Variants in EVC2 observed in about 807,000 individuals in gnomAD.
EVC2 encodes limbin.
Under a neutral mutation model 149.3 loss-of-function variants are expected in EVC2, and 148 were observed. That is an observed-to-expected ratio of 0.99 (90% CI 0.87 to 1.14). The LOEUF (loss-of-function observed/expected upper bound fraction) is 1.14. EVC2 is among the 50% of genes most tolerant of loss of function. The probability of loss-of-function intolerance (pLI) is 0.00; values close to 1 mark genes in which losing one functional copy is unlikely to be tolerated. For synonymous variants in EVC2, 776 were observed against 649.9 expected, an observed-to-expected ratio of 1.19 and a Z score of -2.95; for missense variants, 1,854 against 1,627.3, an observed-to-expected ratio of 1.14 and a Z score of -2.40.
chr4:5,622,657 TC>T lies in EVC2; in HGVS notation c.2380del (p.Glu794ArgfsTer13). 1 of 1,613,698 alleles carries T rather than the reference TC, an allele frequency of 6.2e-7. No homozygotes were observed. On this transcript the variant is annotated frameshift_variant, in exon 14 of 22. Transcript: ENST00000344408. LOFTEE classifies it high-confidence loss of function. This position sits in a 1 kb window ranked among gnomAD's most constrained non-coding sequence, Gnocchi z 5.8. Reference sequence around the variant, plus strand: ...ACCCTCCTGGTCCCTGTCCCTCTCCTCCCCCTCCAGCTGCTCGGCCCGTGCA... The same window carrying T: ...ACCCTCCTGGTCCCTGTCCCTCTCCTCCCCTCCAGCTGCTCGGCCCGTGCA... ...MAARAEQLEGEERDRDQEGVQ... is the reference protein window; with the variant it reads ...MAARAEQLEGXERDRDQEGVQ...
intron 19 of EVC2, among the ~76,000 whole-genome samples, chr4:5,570,927 G>A (rs1722605045): frequency 6.6e-6 from 1 of 152,150 alleles, no homozygotes; most frequent in African/African-American, 2.4e-5. Flanking sequence ...TCTCACTTAT[G>A]AGGAGGAGCT....
intron 17 of EVC2, among the ~76,000 whole-genome samples, chr4:5,580,914 C>G (rs926249595): frequency 6.6e-6 from 1 of 152,076 alleles, no homozygotes; most frequent in African/African-American, 2.4e-5. Context: ...TGGTGTTGAT[C>G]TTATGATAGT....
chr4:5,644,330 G>C (rs887440051), intron 9 of EVC2, among the ~76,000 whole-genome samples: 1 of 151,992 alleles, frequency 6.6e-6, no homozygotes, highest in Non-Finnish European at 1.5e-5. Flanking sequence ...CTTTTAGACG[G>C]AGTTTCACTC....
intron 21 of EVC2, among the ~76,000 whole-genome samples, chr4:5,545,562 C>A (rs988910511): frequency 3.9e-5 from 6 of 152,198 alleles, no homozygotes; most frequent in Non-Finnish European, 8.8e-5. Context: ...CCTCTCCCTG[C>A]AAGAGAAGAG....
intron 16 of EVC2, among the ~76,000 whole-genome samples, chr4:5,601,316 A>G (rs1713959483): frequency 6.6e-6 from 1 of 152,216 alleles, no homozygotes; most frequent in Non-Finnish European, 1.5e-5. Context: ...ATTCTTAGAA[A>G]GATATAACAA....
rs1398827225 is a variant in EVC2, at chr4:5,670,589, T to C, written c.871-4940A>G. On this transcript the variant is annotated intron_variant, in intron 7 of 21. Coordinates refer to ENST00000344408, the MANE Select transcript of EVC2 (RefSeq NM_147127.5). This position sits in a 1 kb window ranked among gnomAD's most constrained non-coding sequence, Gnocchi z 5.2. ...GCCATCACCACCATCACTATCAACA[T>C]CATCAATATCACCATCACCATCATC... 6.6e-6 allele frequency among the ~76,000 whole-genome samples: 1 copy of C among 151,428 alleles called. No individual in the cohort carries two copies. The highest frequency in any genetic ancestry group is 1.5e-5 in the Non-Finnish European group (1 of 67,900).
intron 10 of EVC2, among the ~76,000 whole-genome samples, chr4:5,635,029 C>T (rs1258115253): frequency 6.4e-4 from 46 of 71,424 alleles, no homozygotes; most frequent in African/African-American, 9.0e-4. Context: ...AACAAATGTG[C>T]TTTTTTTTTT....
intron 6 of EVC2, among the ~76,000 whole-genome samples, chr4:5,684,045 C>T (rs1365595241): frequency 1.3e-5 from 2 of 152,170 alleles, no homozygotes; most frequent in African/African-American, 4.8e-5. Context: ...CTTTCTGATG[C>T]TTACCTTGTC....
chr4:5,617,524 C>A (rs1465219738), intron 15 of EVC2, among the ~76,000 whole-genome samples: 1 of 152,086 alleles, frequency 6.6e-6, no homozygotes, highest in African/African-American at 2.4e-5. Flanking sequence ...GGTGAATGGG[C>A]CGGGGAGCTT....
Position 5,685,420 on chromosome 4 carries a change from C to A in EVC2, c.766G>T (p.Gly256Trp), listed in dbSNP as rs145458036. The A allele has an allele frequency of 3.1e-6, 5 of 1,614,070 alleles. No individual in the cohort carries two copies. The highest frequency in any genetic ancestry group is 2.2e-5 in the East Asian group (1 of 44,890). Residue 256 changes from glycine to tryptophan, a missense_variant, in exon 6 of 22, where the codon GGG (glycine) becomes TGG (tryptophan). Physicochemically the swap from Gly to Trp is radical, Grantham distance 184. Coordinates refer to ENST00000344408, the MANE Select transcript of EVC2 (RefSeq NM_147127.5). ...ATLQAGDLGN[G>W]ESLKLPAQLT... ...TGGGCAGGAAGCTTGAGGCTCTCCCCGTTCCCGAGGTCTCCAGCCTGGAGC... is the reference window on the plus strand; with the variant it reads ...TGGGCAGGAAGCTTGAGGCTCTCCCAGTTCCCGAGGTCTCCAGCCTGGAGC...
chr4:5,589,430 C>G (rs1343103362), intron 16 of EVC2, among the ~76,000 whole-genome samples: 2 of 152,172 alleles, frequency 1.3e-5, no homozygotes, highest in African/African-American at 4.8e-5. Context: ...CAGGTCTCAG[C>G]AGAATACTCA....
intron 3 of EVC2, among the ~76,000 whole-genome samples, chr4:5,692,075 T>C (rs1721156186): frequency 6.6e-6 from 1 of 152,236 alleles, no homozygotes; most frequent in African/African-American, 2.4e-5. Flanking sequence ...TGACCACATC[T>C]TTCCCACTCT....
intron 18 of EVC2, among the ~76,000 whole-genome samples, 154 bp from the exon 19 acceptor site, chr4:5,574,926 C>G (rs1722830732): frequency 6.6e-6 from 1 of 152,190 alleles, no homozygotes; most frequent in South Asian, 2.1e-4. Context: ...GACTGCCTTC[C>G]TTTTCTTGCC....
At chr4:5,604,772 T>C (rs1475760443) in intron 16 of EVC2, among the ~76,000 whole-genome samples, 1 of 152,144 alleles carries the variant, frequency 6.6e-6, no homozygotes, top group Non-Finnish European at 1.5e-5. Flanking sequence ...TTGACCATTA[T>C]ACATCCTATG....
At position 5,566,593 on chromosome 4, in the gene EVC2, A is replaced by G. The variant is rs569387786; in HGVS notation, c.3558-1234T>C. The stretch of plus-strand genomic sequence containing the variant: ...CCGGATGCTAGCTGCTGGGGACACA[A>G]GAATAGTGCATGCCCTGCCCTCAGA... On this transcript the variant is annotated intron_variant, in intron 20 of 21. Coordinates refer to ENST00000344408, the MANE Select transcript of EVC2 (RefSeq NM_147127.5). Among the ~76,000 whole-genome samples the G allele has an allele frequency of 5.3e-5, 8 of 152,342 alleles. No individual in the cohort carries two copies. In the South Asian group the frequency reaches 1.4e-3, roughly 28 times the overall value.
At chr4:5,623,558 T>C (rs1401563644) in intron 13 of EVC2, among the ~76,000 whole-genome samples, 4 of 152,262 alleles carry the variant, frequency 2.6e-5, no homozygotes, top group South Asian at 4.2e-4. Flanking sequence ...TGAGCTCCTC[T>C]TGAACTCCTG....
chr4:5,650,622 TATATATATATATATATAGAGAGAGAGAG>T (rs1374014686), intron 9 of EVC2, among the ~76,000 whole-genome samples: 3 of 86,486 alleles, frequency 3.5e-5, no homozygotes, highest in Admixed American at 1.3e-4. Context: ...TATATATATA[TATATATATATATATATAGAGAGAGAGAG>T]AGAGAGAGAG....
At position 5,622,480 on chromosome 4, in the gene EVC2, A is replaced by G; in HGVS notation, c.2501+57T>C. The G allele has an allele frequency of 1.3e-6, 2 of 1,574,366 alleles. No homozygotes were observed. Among genetic ancestry groups the G allele is most frequent in the South Asian group, 1.2e-5 (1 of 86,674 alleles). ...CCATCCCCACAACCACAGGGCAGGA[A>G]TCTCCCTGGCATCAACGGGATGGGG... On this transcript the variant is annotated intron_variant, in intron 14 of 21. Coordinates refer to ENST00000344408, the MANE Select transcript of EVC2 (RefSeq NM_147127.5). The surrounding 1 kb of genome is among the most constrained non-coding windows in gnomAD (Gnocchi z 5.8).
chr4:5,563,204 G>T, intron 21 of EVC2, 89 bp from the exon 22 acceptor site: 5 of 1,311,432 alleles, frequency 3.8e-6, no homozygotes, highest in South Asian at 1.2e-5. Context: ...CCCTCCTTGG[G>T]TCCTGAATTC....
Sources: gnomAD v4.1 joint callset for allele counts (sites outside exome capture counted in the v4.1 genomes callset) on GRCh38, gnomAD v4.1.1 for gene constraint, Gnocchi (gnomAD v3.1) non-coding constraint, MANE v1.5 for transcripts, NCBI Gene and HGNC (gene_info 2026-07-23, HGNC 2026-07-21) for gene names.